GART: variants seen among roughly 807,000 people sequenced by gnomAD.
GART encodes the protein trifunctional purine biosynthetic protein adenosine-3.
Under a neutral mutation model 107.2 loss-of-function variants are expected in GART, and 43 were observed. That is an observed-to-expected ratio of 0.40 (90% CI 0.31 to 0.52). GART has a LOEUF of 0.52. Among genes scored for constraint, GART ranks in the 20% least tolerant of loss-of-function variants. The pLI is 0.52. For synonymous variants in GART, 434 were observed against 427.0 expected (o/e 1.02, Z -0.20); for missense variants, 1,107 against 1,206.5 (o/e 0.92, Z 1.22).
In GART at chr21:33,539,317, G is replaced by C. The variant is rs554427640; in HGVS notation, c.-2C>G. Reference sequence around the variant, plus strand: ...AATTATAAGTACTCGGGCTGCCATTGTTCTGTCTGTAAAGCAGAAATTCCA... The same window carrying C: ...AATTATAAGTACTCGGGCTGCCATTCTTCTGTCTGTAAAGCAGAAATTCCA... On this transcript the variant is annotated 5_prime_UTR_variant, in exon 2 of 22. Coordinates refer to ENST00000381815, the MANE Select transcript of GART (RefSeq NM_000819.5). The C allele has an allele frequency of 5.6e-6, 9 of 1,608,112 alleles. No individual in the cohort carries two copies. The East Asian group carries it at 1.6e-4, about 28-fold the overall frequency.
chr21:33,520,653 C>T (rs2145713967), intron 13 of GART, 91 bp from the exon 14 acceptor site: 1 of 1,140,684 alleles, frequency 8.8e-7, no homozygotes, highest in East Asian at 2.6e-5. Flanking sequence ...CACCTAAAAA[C>T]AAAAGAACAC....
At chr21:33,524,678 T>C in intron 11 of GART, 91 bp downstream of exon 11, 4 of 1,553,384 alleles carry the variant, frequency 2.6e-6, no homozygotes, top group Non-Finnish European at 3.5e-6. Flanking sequence ...AAAAGAATAC[T>C]GAATGACTTA....
At chr21:33,537,104 T>G (rs2085320841) in intron 2 of GART, among the ~76,000 whole-genome samples, 1 of 152,180 alleles carries the variant, frequency 6.6e-6, no homozygotes, top group Non-Finnish European at 1.5e-5. Context: ...TATATCAGTA[T>G]AGCAGAGGGC....
chr21:33,533,450 AAT>A (rs200405839), intron 4 of GART, among the ~76,000 whole-genome samples: 70 of 149,492 alleles, frequency 4.7e-4, no homozygotes, highest in African/African-American at 8.3e-4. Flanking sequence ...AAAAAAAAAA[AAT>A]AAATAAATAA....
In GART at chr21:33,518,835, G is replaced by A. The variant is rs571988160; in HGVS notation, c.1703-1227C>T. ...CTAGTCAGATTGTCTGCACCAAGCTGGTTTAAGATGCTGGTAGCATTTCTA... is the reference window on the plus strand; with the variant it reads ...CTAGTCAGATTGTCTGCACCAAGCTAGTTTAAGATGCTGGTAGCATTTCTA... On this transcript the variant is annotated intron_variant, in intron 14 of 21. Coordinates refer to ENST00000381815, the MANE Select transcript of GART (RefSeq NM_000819.5). The A allele has an allele frequency of 2.4e-4, 126 of 532,112 alleles. 1 individual carries two copies. Among genetic ancestry groups the A allele is most frequent in the African/African-American group, 1.7e-3 (91 of 52,532 alleles). The allele number at this position is 532,112 out of a possible 1,614,324, so 33.0% of individuals were successfully genotyped here.
intron 1 of GART, among the ~76,000 whole-genome samples, chr21:33,541,313 A>G (rs1265073638): frequency 6.6e-6 from 1 of 152,066 alleles, no homozygotes; most frequent in African/African-American, 2.4e-5. Flanking sequence ...CGCCAGGCGA[A>G]TTTTTGTATT....
intron 11 of GART, chr21:33,524,379 T>A: frequency 1.4e-6 from 1 of 694,880 alleles, no homozygotes; most frequent in Non-Finnish European, 1.8e-6. Flanking sequence ...TGAAACCCCA[T>A]CTCCACAAAA....
chr21:33,533,463 A>C lies in GART; in HGVS notation c.417-1007T>G, dbSNP rs1601223872. Reference sequence around the variant, plus strand: ...CAAAAAAAAAAAAATAAATAAATAAATAAAAATAAAAATAAATAAATAAAT... The same window carrying C: ...CAAAAAAAAAAAAATAAATAAATAACTAAAAATAAAAATAAATAAATAAAT... On this transcript the variant is annotated intron_variant, in intron 4 of 21. Transcript: ENST00000381815. Among the ~76,000 whole-genome samples the C allele has an allele frequency of 4.0e-5, 6 of 150,364 alleles. No homozygotes were observed. The South Asian group carries it at 1.2e-3, about 31-fold the overall frequency.
rs1291202257 is a variant in GART, at chr21:33,505,693, GATTA to G, written c.2589_2592del (p.Asn864IlefsTer8). On this transcript the variant is annotated frameshift_variant, in exon 20 of 22. Coordinates refer to ENST00000381815, the MANE Select transcript of GART (RefSeq NM_000819.5). LOFTEE classifies it high-confidence loss of function. ...TCTACACGATTTTTATACAGTTTAT[GATTA>G]ATTACCTGTAATAGAAAAAGATAAG... The G allele has an allele frequency of 8.8e-6, 14 of 1,592,092 alleles. No individual in the cohort carries two copies. The highest frequency in any genetic ancestry group is 1.2e-5 in the Non-Finnish European group (14 of 1,172,934).
chr21:33,537,622 G>A (rs911477032), intron 2 of GART, among the ~76,000 whole-genome samples: 5 of 152,206 alleles, frequency 3.3e-5, no homozygotes. Flanking sequence ...TATAATTAAG[G>A]AGGCTAACAT....
intron 7 of GART, chr21:33,529,505 T>C (rs568963370): frequency 1.1e-4 from 16 of 147,786 alleles, no homozygotes; most frequent in Admixed American, 5.6e-4. Context: ...CAGGCTGGAG[T>C]GCAATGGCGC....
chr21:33,505,203 CTCTTT>C (rs2145668423), intron 20 of GART, among the ~76,000 whole-genome samples: 1 of 152,264 alleles, frequency 6.6e-6, no homozygotes, highest in South Asian at 2.1e-4. Flanking sequence ...CGGAATCACT[CTCTTT>C]TGCTTCCAAA....
chr21:33,508,364 G>A (rs771510299), intron 18 of GART, among the ~76,000 whole-genome samples: 15 of 151,850 alleles, frequency 9.9e-5, no homozygotes. Flanking sequence ...GGGTACACAC[G>A]CTTGTTTATT....
rs3057407 is a variant in GART at position 33,513,105 on chromosome 21, CTGTGTGTGTGTGTGTG to C, written c.2108-1663_2108-1648del. Among the ~76,000 whole-genome samples the C allele has an allele frequency of 6.2e-4, 89 of 144,654 alleles. 1 individual carries two copies. In the South Asian group the frequency reaches 9.7e-3, roughly 16 times the overall value. The allele number at this position is 144,654 out of a possible 152,430, so 94.9% of individuals were successfully genotyped here. ...TATTTGTGTGTGTGTGTGTGTGTCT[CTGTGTGTGTGTGTGTG>C]TGTGTGTGTGTGTGTGTATTTTTAG... On this transcript the variant is annotated intron_variant, in intron 16 of 21. Transcript: ENST00000381815.
chr21:33,515,824 A>C (rs1450514718), intron 16 of GART, among the ~76,000 whole-genome samples: 1 of 152,012 alleles, frequency 6.6e-6, no homozygotes, highest in Non-Finnish European at 1.5e-5. Context: ...CTGCCACAAC[A>C]ATCTAGTGGG....
At chr21:33,524,545 ACT>A (rs2085032635) in intron 11 of GART, 1 of 1,230,480 alleles carries the variant, frequency 8.1e-7, no homozygotes, top group African/African-American at 1.6e-5. Flanking sequence ...AATCAGTACC[ACT>A]GTGATTTTGC....
intron 10 of GART, 74 bp from the exon 11 acceptor site, chr21:33,525,074 C>T (rs1339535062): frequency 6.8e-7 from 1 of 1,479,150 alleles, no homozygotes; most frequent in Non-Finnish European, 8.9e-7. Flanking sequence ...TTTACGATTT[C>T]CACAAGTTTC....
chr21:33,516,873 T>C lies in GART; in HGVS notation c.2107+116A>G, dbSNP rs1601188581. The C allele has an allele frequency of 1.0e-5, 9 of 881,474 alleles. No individual in the cohort carries two copies. In the East Asian group the frequency reaches 2.1e-4, roughly 20 times the overall value. 54.6% of individuals were successfully genotyped at this position (881,474 alleles called of 1,614,324 possible). A position where few individuals can be genotyped will look rare whatever the true frequency, so the allele number is the denominator to read the frequency against. On this transcript the variant is annotated intron_variant, in intron 16 of 21. Coordinates refer to ENST00000381815, the MANE Select transcript of GART (RefSeq NM_000819.5). ...AGTTTTTCCCTCCCAAAACCCCCAA[T>C]GATTAAGAATTTTCCATGTGTAATC...
intron 16 of GART, among the ~76,000 whole-genome samples, chr21:33,512,589 A>C (rs1447040732): frequency 6.6e-6 from 1 of 151,988 alleles, no homozygotes; most frequent in Non-Finnish European, 1.5e-5. Context: ...TATTTATTGG[A>C]TAATTTTTTT....
Sources: gnomAD v4.1 joint callset for allele counts (sites outside exome capture counted in the v4.1 genomes callset) on GRCh38, gnomAD v4.1.1 for gene constraint, MANE v1.5 for transcripts, NCBI Gene and HGNC (gene_info 2026-07-23, HGNC 2026-07-21) for gene names.